Variants in UBE2T observed in about 807,000 individuals in gnomAD.
The protein encoded by UBE2T is ubiquitin conjugating enzyme E2 T.
A neutral mutation model predicts 23.3 loss-of-function variants in UBE2T; 15 were observed. That is an observed-to-expected ratio of 0.64 (90% CI 0.43 to 0.99). The LOEUF (loss-of-function observed/expected upper bound fraction) is 0.99, where lower values mean the gene tolerates loss of function less well. Among genes scored for constraint, UBE2T ranks in the 50% least tolerant of loss-of-function variants. The pLI is 0.00. For synonymous variants in UBE2T, 67 were observed against 78.4 expected (o/e 0.85, Z 0.77); for missense variants, 197 against 234.9 (o/e 0.84, Z 1.05).
rs199547198 is a variant in UBE2T, at chr1:202,337,926, G to A, written c.-64-2108C>T. On this transcript the variant is annotated intron_variant, in intron 1 of 6. Coordinates refer to ENST00000646651, the MANE Select transcript of UBE2T (RefSeq NM_014176.4). Reference sequence around the variant, plus strand: ...AGTCCATAAATATATACATAAATATGTATATCTGAAATTATAATCCAAATC... The same window carrying A: ...AGTCCATAAATATATACATAAATATATATATCTGAAATTATAATCCAAATC... 2.4e-4 allele frequency among the ~76,000 whole-genome samples: 36 copies of A among 152,196 alleles called. No individual in the cohort carries two copies. The East Asian group carries it at 6.0e-3, about 25-fold the overall frequency.
In UBE2T at chr1:202,331,987, G is replaced by GT. The variant is rs753691809; in HGVS notation, c.469-28dup. 9 of 1,611,958 alleles carry GT rather than the reference G, an allele frequency of 5.6e-6. No individual in the cohort carries two copies. The South Asian group carries it at 8.8e-5, about 16-fold the overall frequency. ...TAAAGAGGAGACAGGGTGAAACACAGTAAGGTTCACACAAATGCCAGGATG... is the reference window on the plus strand; with the variant it reads ...TAAAGAGGAGACAGGGTGAAACACAGTTAAGGTTCACACAAATGCCAGGATG... On this transcript the variant is annotated intron_variant, in intron 6 of 6. Coordinates refer to ENST00000646651, the MANE Select transcript of UBE2T (RefSeq NM_014176.4).
chr1:202,335,949 T>C lies in UBE2T; in HGVS notation c.-64-131A>G. 1 of 548,492 alleles carries C rather than the reference T, an allele frequency of 1.8e-6. No homozygotes were observed. Among genetic ancestry groups the C allele is most frequent in the Non-Finnish European group, 3.3e-6 (1 of 305,976 alleles). 34.0% of individuals were successfully genotyped at this position (548,492 alleles called of 1,614,324 possible). A position where few individuals can be genotyped will look rare whatever the true frequency, so the allele number is the denominator to read the frequency against. ...TGTTTTGAGACACAGTTTCACTCTG[T>C]CACCCAGACTGGAGGGCAGTGACAC... On this transcript the variant is annotated intron_variant, in intron 1 of 6. Transcript: ENST00000646651. The surrounding 1 kb of genome is among the most constrained non-coding windows in gnomAD (Gnocchi z 4.0).
chr1:202,333,302 C>A lies in UBE2T; in HGVS notation c.319G>T (p.Val107Leu). ...AWRPSLNIATVLTSIQLLMSE... is the reference protein window; with the variant it reads ...AWRPSLNIATLLTSIQLLMSE... ...ATGAGCAGCTGAATAGAGGTCAACA[C>A]AGTTGCGATGTTGAGGGATGGTCTC... Residue 107 changes from valine to leucine, a missense_variant, in exon 5 of 7, where the codon GTG (valine) becomes TTG (leucine). Val to Leu is a conservative substitution (Grantham distance 32, BLOSUM62 1). Transcript: ENST00000646651. 1 of 1,614,156 alleles carries A rather than the reference C, an allele frequency of 6.2e-7. No individual in the cohort carries two copies. Among genetic ancestry groups the A allele is most frequent in the Non-Finnish European group, 8.5e-7 (1 of 1,180,034 alleles).
rs183451127 is a variant in UBE2T, at chr1:202,332,690, C to T, written c.468+320G>A. The stretch of plus-strand genomic sequence containing the variant: ...TTGGGAGGCCGAGGCGGGCGGATCA[C>T]GAGGTCAGGAGATCGAGACCATCCC... On this transcript the variant is annotated intron_variant, in intron 6 of 6. Transcript: ENST00000646651. Among the ~76,000 whole-genome samples the T allele has an allele frequency of 4.5e-3, 677 of 151,526 alleles. 9 individuals carry two copies. The highest frequency in any genetic ancestry group is 0.017 in the Admixed American group (263 of 15,206).
chr1:202,334,576 A>G (rs1654839971), intron 3 of UBE2T, among the ~76,000 whole-genome samples: 1 of 152,194 alleles, frequency 6.6e-6, no homozygotes, highest in Admixed American at 6.5e-5. Context: ...AGAAAGCACA[A>G]TAGTGGTTGC....
At chr1:202,334,881 A>C in intron 3 of UBE2T, 108 bp downstream of exon 3, 1 of 996,988 alleles carries the variant, frequency 1.0e-6, no homozygotes, top group Non-Finnish European at 1.5e-6. Flanking sequence ...AGTCATGATA[A>C]GGCCAGGATT....
At chr1:202,334,914 A>G in intron 3 of UBE2T, 75 bp downstream of exon 3, 1 of 1,381,782 alleles carries the variant, frequency 7.2e-7, no homozygotes, top group Non-Finnish European at 1.0e-6. Flanking sequence ...TTTATGCTCT[A>G]TCTACTACAT....
At position 202,331,840 on chromosome 1, in the gene UBE2T, C is replaced by T. The variant is rs560282941; in HGVS notation, c.589G>A (p.Val197Ile). Residue 197 changes from valine to isoleucine, a missense_variant, in exon 7 of 7, where the codon GTT becomes ATT. By Grantham distance (29) the Val-to-Ile change is conservative. Transcript: ENST00000646651. ...GATGAACCAGGACAAGTCCCCTAAA[C>T]ATCAGGATGAAATTTCTTTTCTATG... ...VGIEKKFHPD[V>I] The T allele has an allele frequency of 3.7e-6, 6 of 1,614,108 alleles. No individual in the cohort carries two copies. In the South Asian group the frequency reaches 6.6e-5, roughly 18 times the overall value.
At chr1:202,337,369 A>G (rs1654911583) in intron 1 of UBE2T, among the ~76,000 whole-genome samples, 1 of 152,224 alleles carries the variant, frequency 6.6e-6, no homozygotes, top group Admixed American at 6.5e-5. Flanking sequence ...CTTTACATTT[A>G]TACTTTGTGT....
intron 6 of UBE2T, among the ~76,000 whole-genome samples, chr1:202,332,694 G>A (rs1483628125): frequency 6.6e-6 from 1 of 151,360 alleles, no homozygotes; most frequent in African/African-American, 2.4e-5. Flanking sequence ...GGATCACGAG[G>A]TCAGGAGATC....
In UBE2T at chr1:202,333,061, G is replaced by T; in HGVS notation, c.417C>A (p.Phe139Leu). Residue 139 changes from phenylalanine (F) to leucine (L), a missense_variant, in exon 6 of 7, where the codon TTC becomes TTA. By Grantham distance (22) the Phe-to-Leu change is conservative. Transcript: ENST00000646651. ...CTGTCCACTGTCTGGCATTCTTGAG[G>T]AAGGCTGGCTTATTATATTTAAATT... Reference protein sequence around the residue: ...SSEFKYNKPAFLKNARQWTEK... With the variant: ...SSEFKYNKPALLKNARQWTEK... The T allele has an allele frequency of 6.2e-7, 1 of 1,613,726 alleles. No individual in the cohort carries two copies. The highest frequency in any genetic ancestry group is 8.5e-7 in the Non-Finnish European group (1 of 1,179,936).
chr1:202,338,895 A>C (rs1017118271), intron 1 of UBE2T, among the ~76,000 whole-genome samples: 2 of 151,718 alleles, frequency 1.3e-5, no homozygotes, highest in Non-Finnish European at 2.9e-5. Context: ...AAAAAAAAAA[A>C]GAAAAAAGAA....
chr1:202,334,088 CTT>C, intron 3 of UBE2T, among the ~76,000 whole-genome samples: 1 of 152,270 alleles, frequency 6.6e-6, no homozygotes, highest in East Asian at 1.9e-4. Context: ...TCTCCCAAGA[CTT>C]TAACAAGTTT....
Position 202,335,703 on chromosome 1 carries a change from G to C in UBE2T, c.52C>G (p.Pro18Ala), listed in dbSNP as rs777350500. 1 of 1,614,044 alleles carries C rather than the reference G, an allele frequency of 6.2e-7. No individual in the cohort carries two copies. The highest frequency in any genetic ancestry group is 1.1e-5 in the South Asian group (1 of 91,078). Residue 18 changes from proline (P) to alanine (A), a missense_variant, in exon 2 of 7, where the codon CCA (proline) becomes GCA (alanine). Transcript: ENST00000646651. This position sits in a 1 kb window ranked among gnomAD's most constrained non-coding sequence, Gnocchi z 4.0. Reference sequence around the variant, plus strand: ...TGCCAACATGTGATGCCTGGGGGTGGCTCTGTGGCTAACATGTGCAGCTCT... The same window carrying C: ...TGCCAACATGTGATGCCTGGGGGTGCCTCTGTGGCTAACATGTGCAGCTCT... ...KRELHMLATE[P>A]PPGITCWQDK... is the part of the protein sequence containing the mutation.
rs770105376 is a variant in UBE2T at position 202,335,739 on chromosome 1, G to T, written c.16C>A (p.Arg6Ser). 1.9e-6 allele frequency: 3 copies of T among 1,613,960 alleles called. No homozygotes were observed. The highest frequency in any genetic ancestry group is 2.5e-6 in the Non-Finnish European group (3 of 1,179,978). The change falls in exon 2 of 7, where the codon CGT becomes AGT. Residue 6 changes from arginine (R) to serine (S), a missense_variant. Coordinates refer to ENST00000646651, the MANE Select transcript of UBE2T (RefSeq NM_014176.4). The surrounding 1 kb of genome is among the most constrained non-coding windows in gnomAD (Gnocchi z 4.0). MQRASRLKRELHMLAT... is the reference protein window; with the variant it reads MQRASSLKRELHMLAT... Reference sequence around the variant, plus strand: ...AACATGTGCAGCTCTCTCTTCAGACGTGAAGCTCTCTGCATGATCCCCAAG... The same window carrying T: ...AACATGTGCAGCTCTCTCTTCAGACTTGAAGCTCTCTGCATGATCCCCAAG...
rs980433956 is a variant in UBE2T at position 202,333,233 on chromosome 1, T to C, written c.384+4A>G. On this transcript the variant is annotated splice_donor_region_variant and intron_variant, in intron 5 of 6. Coordinates refer to ENST00000646651, the MANE Select transcript of UBE2T (RefSeq NM_014176.4). ...GTGTTGCAGAGGAAAATGGGGATATTTACTATGTCAGCCATGAGCGGGTCA... is the reference window on the plus strand; with the variant it reads ...GTGTTGCAGAGGAAAATGGGGATATCTACTATGTCAGCCATGAGCGGGTCA... 1.9e-6 allele frequency: 3 copies of C among 1,613,956 alleles called. No homozygotes were observed. The highest frequency in any genetic ancestry group is 2.5e-6 in the Non-Finnish European group (3 of 1,179,998).
chr1:202,337,068 G>C (rs928055122), intron 1 of UBE2T, among the ~76,000 whole-genome samples: 1 of 152,034 alleles, frequency 6.6e-6, no homozygotes, highest in African/African-American at 2.4e-5. Context: ...TCAGCCTCCC[G>C]AGCAGCTGGC....
At chr1:202,334,170 G>A (rs761661418) in intron 3 of UBE2T, among the ~76,000 whole-genome samples, 85 of 152,042 alleles carry the variant, frequency 5.6e-4, no homozygotes, top group Admixed American at 8.5e-4. Flanking sequence ...TCCCTTCCCC[G>A]TTCTGTACAA....
At chr1:202,340,165 G>A (rs1368021298) in intron 1 of UBE2T, among the ~76,000 whole-genome samples, 3 of 151,584 alleles carry the variant, frequency 2.0e-5, no homozygotes, top group Non-Finnish European at 2.9e-5. Context: ...GGCTGAGATC[G>A]CGCCACTGTA....
Sources: gnomAD v4.1 joint callset for allele counts (sites outside exome capture counted in the v4.1 genomes callset) on GRCh38, gnomAD v4.1.1 for gene constraint, Gnocchi (gnomAD v3.1) non-coding constraint, MANE v1.5 for transcripts, NCBI Gene and HGNC (gene_info 2026-07-23, HGNC 2026-07-21) for gene names.